Variants in VRK2 observed in about 807,000 individuals in gnomAD.
VRK2 encodes serine/threonine-protein kinase VRK2.
A neutral mutation model predicts 57.6 loss-of-function variants in VRK2; 60 were observed. That is an observed-to-expected ratio of 1.04 (90% CI 0.85 to 1.29). The LOEUF (loss-of-function observed/expected upper bound fraction) is 1.29. Among genes scored for constraint, VRK2 ranks in the 50% most tolerant of loss-of-function variants. The pLI is 0.00. For missense variants in VRK2, 705 were observed against 588.1 expected, an observed-to-expected ratio of 1.20 and a Z score of -2.06; for synonymous variants, 231 against 199.2, an observed-to-expected ratio of 1.16 and a Z score of -1.35.
intron 7 of VRK2, among the ~76,000 whole-genome samples, chr2:58,121,798 A>G (rs563925981): frequency 1.3e-5 from 2 of 152,316 alleles, no homozygotes; most frequent in African/African-American, 4.8e-5. Flanking sequence ...AATGTGTATG[A>G]AATGATACAT....
At chr2:57,959,385 T>C (rs1361455475) in intron 1 of VRK2, among the ~76,000 whole-genome samples, 2 of 152,186 alleles carry the variant, frequency 1.3e-5, no homozygotes, top group Non-Finnish European at 2.9e-5. Context: ...CCTTTTTTTC[T>C]CTTTTTTTCC....
chr2:58,059,881 A>G (rs1279670717), intron 2 of VRK2, among the ~76,000 whole-genome samples: 2 of 151,862 alleles, frequency 1.3e-5, no homozygotes, highest in African/African-American at 2.4e-5. Flanking sequence ...AAGTTACTAC[A>G]TTAAATACAT....
At chr2:58,067,870 T>G (rs1027135768) in intron 2 of VRK2, among the ~76,000 whole-genome samples, 1 of 152,048 alleles carries the variant, frequency 6.6e-6, no homozygotes, top group African/African-American at 2.4e-5. Context: ...TTGTGTAACT[T>G]TTCTTTTTCC....
chr2:58,132,527 G>T (rs1679365265), intron 9 of VRK2, among the ~76,000 whole-genome samples: 1 of 152,170 alleles, frequency 6.6e-6, no homozygotes, highest in Non-Finnish European at 1.5e-5. Flanking sequence ...TAAGAACAGG[G>T]TGTGTTACTG....
At chr2:57,916,988 T>C (rs1442607729) in intron 1 of VRK2, among the ~76,000 whole-genome samples, 1 of 151,812 alleles carries the variant, frequency 6.6e-6, no homozygotes, top group Non-Finnish European at 1.5e-5. Flanking sequence ...GACGAGTACA[T>C]GAAACAAGTA....
At chr2:58,036,786 T>C (rs1051172171) in intron 3 of VRK2, among the ~76,000 whole-genome samples, 5 of 152,076 alleles carry the variant, frequency 3.3e-5, no homozygotes, top group Non-Finnish European at 4.4e-5. Flanking sequence ...TTGTCTATAG[T>C]AGTGATGTCC....
At chr2:58,062,647 C>T (rs1677523057) in intron 2 of VRK2, among the ~76,000 whole-genome samples, 1 of 152,074 alleles carries the variant, frequency 6.6e-6, no homozygotes, top group Non-Finnish European at 1.5e-5. Flanking sequence ...TCCCTTAAGC[C>T]AAAGCCTAAT....
At chr2:57,926,998 T>TTTG (rs1553361860) in intron 1 of VRK2, among the ~76,000 whole-genome samples, 1 of 142,758 alleles carries the variant, frequency 7.0e-6, no homozygotes, top group African/African-American at 2.6e-5. Flanking sequence ...TTTTAATTTC[T>TTTG]TGTGTGTGTG....
chr2:58,079,033 A>G (rs937636820), intron 2 of VRK2, among the ~76,000 whole-genome samples: 2 of 152,056 alleles, frequency 1.3e-5, no homozygotes, highest in Non-Finnish European at 2.9e-5. Context: ...TTATTTATAT[A>G]TTCTGTATAT....
At position 58,040,855 on chromosome 2, in the gene VRK2, G is replaced by A. The variant is rs1449545270; in HGVS notation, c.-6+7302G>A. Among the ~76,000 whole-genome samples, 5 of 152,224 alleles carry A rather than the reference G, an allele frequency of 3.3e-5. No homozygotes were observed. The East Asian group carries it at 5.8e-4, about 18-fold the overall frequency. Reference sequence around the variant, plus strand: ...GGAATATTTGGGGAATAGAAGGTTCGTTCAAGACCCTTAGAGGATGTTGTT... The same window carrying A: ...GGAATATTTGGGGAATAGAAGGTTCATTCAAGACCCTTAGAGGATGTTGTT... On this transcript the variant is annotated intron_variant, in intron 3 of 15. Coordinates refer to the VRK2 transcript ENST00000417641.
chr2:57,978,226 G>A (rs1429721403), intron 1 of VRK2, among the ~76,000 whole-genome samples: 2 of 150,854 alleles, frequency 1.3e-5, no homozygotes, highest in Non-Finnish European at 2.9e-5. Flanking sequence ...TATGAAGTTC[G>A]GGTGATTCTT....
At chr2:58,005,870 A>T (rs1359696605) in intron 1 of VRK2, among the ~76,000 whole-genome samples, 1 of 152,096 alleles carries the variant, frequency 6.6e-6, no homozygotes, top group African/African-American at 2.4e-5. Flanking sequence ...ACTGGAGGGG[A>T]TCTCTCCAAC....
intron 7 of VRK2, among the ~76,000 whole-genome samples, chr2:58,104,702 A>G (rs1391755484): frequency 6.6e-6 from 1 of 151,918 alleles, no homozygotes; most frequent in African/African-American, 2.4e-5. Flanking sequence ...GAATTAGACA[A>G]AACCATCCTG....
chr2:58,146,442 C>G lies in VRK2; in HGVS notation c.1150C>G (p.Leu384Val). ...ATGGAAAGTGCAGAAAGAGGAGAAA[C>G]TGATTGGATTGATGAACAATGAAGC... is the stretch of plus-strand genomic sequence containing the variant. The part of the protein sequence containing the change: ...ATWKVQKEEK[L>V]IGLMNNEAAQ... Residue 384 changes from leucine (L) to valine (V), a missense_variant, in exon 12 of 13, where the codon CTG becomes GTG. By Grantham distance (32) the Leu-to-Val change is conservative. Coordinates refer to ENST00000340157, the MANE Select transcript of VRK2 (RefSeq NM_006296.7). The G allele has an allele frequency of 6.2e-7, 1 of 1,611,180 alleles. No homozygotes were observed.
chr2:57,976,520 G>A (rs1183038324), intron 1 of VRK2, among the ~76,000 whole-genome samples: 1 of 152,028 alleles, frequency 6.6e-6, no homozygotes, highest in African/African-American at 2.4e-5. Context: ...CTTTTGAGAA[G>A]TATCTCTTCA....
chr2:58,073,000 C>T (rs1241997723), intron 2 of VRK2, among the ~76,000 whole-genome samples: 1 of 151,894 alleles, frequency 6.6e-6, no homozygotes, highest in Non-Finnish European at 1.5e-5. Context: ...CTGCTGCATC[C>T]CTACATTTTT....
rs534834243 is a variant in VRK2 at position 58,099,994 on chromosome 2, C to T, written c.543+10271C>T. 3.9e-5 allele frequency among the ~76,000 whole-genome samples: 6 copies of T among 152,012 alleles called. No homozygotes were observed. In the East Asian group the frequency reaches 5.8e-4, roughly 15 times the overall value. On this transcript the variant is annotated intron_variant, in intron 7 of 12. Coordinates refer to ENST00000340157, the MANE Select transcript of VRK2 (RefSeq NM_006296.7). ...CTTATAGTGTTTCCAAAGTGTCTTG[C>T]CTATTGTTGTACAGTTAAGGAAGTT... is the stretch of plus-strand genomic sequence containing the variant.
Position 58,151,749 on chromosome 2 carries a change from T to C in VRK2, c.1182+5275T>C, listed in dbSNP as rs1267035126. Among the ~76,000 whole-genome samples the C allele has an allele frequency of 4.2e-3, 497 of 118,222 alleles. 13 individuals carry two copies. The highest frequency in any genetic ancestry group is 0.017 in the African/African-American group (471 of 28,378). The allele number at this position is 118,222 out of a possible 152,430, so 77.6% of individuals were successfully genotyped here. A position where few individuals can be genotyped will look rare whatever the true frequency, so the allele number is the denominator to read the frequency against. ...TATGCTTGTTTTTTTTTTTTTTTTTTTTTTTTTTTTTTTTTTTTGGTGGTC... is the reference window on the plus strand; with the variant it reads ...TATGCTTGTTTTTTTTTTTTTTTTTCTTTTTTTTTTTTTTTTTTGGTGGTC... On this transcript the variant is annotated intron_variant, in intron 12 of 12. Coordinates refer to ENST00000340157, the MANE Select transcript of VRK2 (RefSeq NM_006296.7).
In VRK2 at chr2:58,137,046, T is replaced by C. The variant is rs565501595; in HGVS notation, c.856+1847T>C. 3.3e-4 allele frequency among the ~76,000 whole-genome samples: 42 copies of C among 127,122 alleles called. 1 individual carries two copies. Among genetic ancestry groups the C allele is most frequent in the African/African-American group, 4.3e-4 (14 of 32,630 alleles). 83.4% of individuals were successfully genotyped at this position (127,122 alleles called of 152,430 possible). A position where few individuals can be genotyped will look rare whatever the true frequency, so the allele number is the denominator to read the frequency against. On this transcript the variant is annotated intron_variant, in intron 10 of 12. Coordinates refer to ENST00000340157, the MANE Select transcript of VRK2 (RefSeq NM_006296.7). ...ATATGTGTATATATATCATATATAA[T>C]ATATATGTGTATATATCATATATCA...
Sources: allele counts gnomAD v4.1 joint callset (sites outside exome capture counted in the v4.1 genomes callset), GRCh38; gene constraint gnomAD v4.1.1; transcripts MANE v1.5; gene names NCBI Gene and HGNC (gene_info 2026-07-23, HGNC 2026-07-21).